Variants in ZNF644 observed in about 807,000 individuals in gnomAD.
ZNF644 encodes zinc finger motif enhancer binding protein 2.
A neutral mutation model predicts 108.0 loss-of-function variants in ZNF644; 20 were observed. The ratio of observed to expected loss-of-function variants is 0.19; its 90% CI spans 0.13 to 0.27. ZNF644 has a LOEUF of 0.27. Among genes scored for constraint, ZNF644 ranks in the 10% least tolerant of loss-of-function variants. The probability of loss-of-function intolerance (pLI) is 1.00; values close to 1 mark genes in which losing one functional copy is unlikely to be tolerated. For missense variants in ZNF644, 1,338 were observed against 1,548.9 expected (o/e 0.86, Z 2.29); for synonymous variants, 542 against 539.1 (o/e 1.01, Z -0.08).
At chr1:91,013,451 TCACACACACACACACACACACACACACA>T (rs10590932) in intron 1 of ZNF644, among the ~76,000 whole-genome samples, 1 of 140,052 alleles carries the variant, frequency 7.1e-6, no homozygotes, top group Admixed American at 7.0e-5. Flanking sequence ...AATCTCTCTC[TCACACACACACACACACACACACACACA>T]CACATACACA....
At chr1:91,001,275 A>G (rs1479301706) in intron 1 of ZNF644, among the ~76,000 whole-genome samples, 3 of 152,170 alleles carry the variant, frequency 2.0e-5, no homozygotes, top group Non-Finnish European at 2.9e-5. Context: ...ACATCGATGC[A>G]AAAATCCTCA....
At chr1:90,966,358 G>C (rs1025360724) in intron 2 of ZNF644, among the ~76,000 whole-genome samples, 4 of 152,068 alleles carry the variant, frequency 2.6e-5, no homozygotes, top group African/African-American at 9.7e-5. Flanking sequence ...AGCTTCTTGA[G>C]AAAAGAGACA....
Position 90,938,178 on chromosome 1 carries a change from G to A in ZNF644, c.3083-88C>T. The A allele has an allele frequency of 8.7e-6, 14 of 1,605,850 alleles. No individual in the cohort carries two copies. The highest frequency in any genetic ancestry group is 1.1e-5 in the Non-Finnish European group (13 of 1,174,424). ...AGTTAATTCTGAAACATAAAATTAT[G>A]ATTCTAATAAAGACTAAATTCAAAA... On this transcript the variant is annotated intron_variant, in intron 3 of 5. Coordinates refer to ENST00000337393, the MANE Select transcript of ZNF644 (RefSeq NM_201269.3). This position sits in a 1 kb window ranked among gnomAD's most constrained non-coding sequence, Gnocchi z 4.2.
At chr1:91,020,838 G>A (rs1371214237) in intron 1 of ZNF644, 2 of 152,122 alleles carry the variant, frequency 1.3e-5, no homozygotes, top group East Asian at 3.8e-4. Context: ...GATAGTCGGC[G>A]GTGTTGTGAT....
chr1:91,020,176 G>A (rs983457692), intron 1 of ZNF644, among the ~76,000 whole-genome samples: 3 of 152,086 alleles, frequency 2.0e-5, no homozygotes, highest in Non-Finnish European at 4.4e-5. Context: ...TAATGTTAAT[G>A]CATCTCCTAT....
At chr1:90,983,467 G>C (rs74757484) in intron 1 of ZNF644, among the ~76,000 whole-genome samples, 145 of 125,872 alleles carry the variant, frequency 1.2e-3, no homozygotes, top group African/African-American at 4.4e-3. Context: ...ATCTGACAAT[G>C]TTACCTCATA....
At chr1:90,930,946 AT>A (rs1398672849) in intron 4 of ZNF644, among the ~76,000 whole-genome samples, 1 of 151,914 alleles carries the variant, frequency 6.6e-6, no homozygotes, top group Non-Finnish European at 1.5e-5. Flanking sequence ...CTCAAAATAT[AT>A]TTTTTTTCCT....
chr1:90,958,411 T>C (rs988400403), intron 2 of ZNF644, among the ~76,000 whole-genome samples: 1 of 151,950 alleles, frequency 6.6e-6, no homozygotes, highest in East Asian at 1.9e-4. Flanking sequence ...CCCAAAGTGA[T>C]CCCAGATTCA....
At chr1:90,958,232 TAAAAAAAAAAA>T (rs777224217) in intron 2 of ZNF644, among the ~76,000 whole-genome samples, 2 of 41,388 alleles carry the variant, frequency 4.8e-5, no homozygotes, top group Admixed American at 5.6e-4. Context: ...GCAAAACTCC[TAAAAAAAAAAA>T]AAAAAAAAAA....
intron 2 of ZNF644, among the ~76,000 whole-genome samples, chr1:90,968,403 T>C (rs1290522347): frequency 1.3e-5 from 2 of 152,222 alleles, no homozygotes; most frequent in South Asian, 4.1e-4. Context: ...TTAAACTGTA[T>C]ATAAGCATTC....
chr1:90,985,266 A>G (rs1656982324), intron 1 of ZNF644, among the ~76,000 whole-genome samples: 1 of 152,206 alleles, frequency 6.6e-6, no homozygotes, highest in Admixed American at 6.5e-5. Flanking sequence ...AGAATGATTA[A>G]TTCATGCTAA....
chr1:90,915,317 T>G lies in ZNF644; in HGVS notation c.*1481A>C, dbSNP rs1000180439. 2 of 152,594 alleles carry G rather than the reference T, an allele frequency of 1.3e-5. No individual in the cohort carries two copies. The highest frequency in any genetic ancestry group is 2.9e-5 in the Non-Finnish European group (2 of 68,010). 9.5% of individuals were successfully genotyped at this position (152,594 alleles called of 1,614,324 possible). ...TTCACATTTTAATTTTCTTTAAACCTTTTTTTATTTAGAGATTTTTCTGGT... is the reference window on the plus strand; with the variant it reads ...TTCACATTTTAATTTTCTTTAAACCGTTTTTTATTTAGAGATTTTTCTGGT... On this transcript the variant is annotated 3_prime_UTR_variant, in exon 6 of 6. Coordinates refer to ENST00000337393, the MANE Select transcript of ZNF644 (RefSeq NM_201269.3).
chr1:90,997,279 G>A (rs1301652340), intron 1 of ZNF644, among the ~76,000 whole-genome samples: 1 of 152,170 alleles, frequency 6.6e-6, no homozygotes, highest in South Asian at 2.1e-4. Flanking sequence ...GTTAAGTGTT[G>A]AAGGAGCATC....
chr1:90,949,721 GGATGTGTACA>G (rs1356519371), intron 2 of ZNF644, among the ~76,000 whole-genome samples: 1 of 152,158 alleles, frequency 6.6e-6, no homozygotes, highest in Non-Finnish European at 1.5e-5. Context: ...ATATATGGGA[GGATGTGTACA>G]GATTATATGC....
At chr1:90,955,391 T>G (rs1653652570) in intron 2 of ZNF644, among the ~76,000 whole-genome samples, 1 of 152,242 alleles carries the variant, frequency 6.6e-6, no homozygotes, top group South Asian at 2.1e-4. Context: ...GGCATTTACT[T>G]TTCTCTAGCT....
chr1:90,993,808 G>A (rs779445151), intron 1 of ZNF644, among the ~76,000 whole-genome samples: 1 of 152,098 alleles, frequency 6.6e-6, no homozygotes, highest in Non-Finnish European at 1.5e-5. Flanking sequence ...ATTGTTCCTA[G>A]ACAACTTTAC....
At chr1:90,997,002 T>C (rs1011667594) in intron 1 of ZNF644, among the ~76,000 whole-genome samples, 1 of 152,154 alleles carries the variant, frequency 6.6e-6, no homozygotes, top group Non-Finnish European at 1.5e-5. Context: ...CAAAGGACAT[T>C]TGTCAAAAAC....
rs560134583 is a variant in ZNF644, at chr1:90,919,296, T to G, written c.3689-1142A>C. Among the ~76,000 whole-genome samples the G allele has an allele frequency of 3.9e-5, 6 of 152,070 alleles. No homozygotes were observed. In the South Asian group the frequency reaches 8.3e-4, roughly 21 times the overall value. ...AACAGAAGAGTTACCCAAATGGCTT[T>G]TCTTCCATTATCCTGCCATGTGAAA... On this transcript the variant is annotated intron_variant, in intron 4 of 5. Transcript: ENST00000337393.
At chr1:90,927,232 A>T (rs1224548667) in intron 4 of ZNF644, among the ~76,000 whole-genome samples, 1 of 152,206 alleles carries the variant, frequency 6.6e-6, no homozygotes, top group Non-Finnish European at 1.5e-5. Context: ...ATGGCACTTA[A>T]CAATTTGTCT....
Sources: gnomAD v4.1 joint callset for allele counts (sites outside exome capture counted in the v4.1 genomes callset) on GRCh38, gnomAD v4.1.1 for gene constraint, Gnocchi (gnomAD v3.1) non-coding constraint, MANE v1.5 for transcripts, NCBI Gene and HGNC (gene_info 2026-07-23, HGNC 2026-07-21) for gene names.